The following CEP112 variants were observed in gnomAD, a reference collection of about 807,000 sequenced individuals.
The protein encoded by CEP112 is centrosomal protein of 112 kDa.
Under a neutral mutation model 153.0 loss-of-function variants are expected in CEP112, and 127 were observed. That is an observed-to-expected ratio of 0.83 (90% CI 0.72 to 0.96). The LOEUF (loss-of-function observed/expected upper bound fraction) is 0.96, where lower values mean the gene tolerates loss of function less well. Among genes scored for constraint, CEP112 ranks in the 40% least tolerant of loss-of-function variants. The probability of loss-of-function intolerance (pLI) is 0.00; values close to 1 mark genes in which losing one functional copy is unlikely to be tolerated. For synonymous variants in CEP112, 358 were observed against 374.4 expected (o/e 0.96, Z 0.51); for missense variants, 1,089 against 1,101.2 (o/e 0.99, Z 0.16).
At chr17:65,769,898 G>A (rs1903576410) in intron 21 of CEP112, among the ~76,000 whole-genome samples, 1 of 151,966 alleles carries the variant, frequency 6.6e-6, no homozygotes, top group Admixed American at 6.6e-5. Flanking sequence ...CACCTTACAT[G>A]CCAGGGCAGA....
intron 12 of CEP112, among the ~76,000 whole-genome samples, chr17:66,041,531 G>C (rs1424095043): frequency 6.6e-6 from 1 of 152,070 alleles, no homozygotes; most frequent in East Asian, 1.9e-4. Flanking sequence ...TGTATACACA[G>C]GTCAGTATTT....
chr17:66,098,039 G>A (rs936380756), intron 6 of CEP112, among the ~76,000 whole-genome samples: 2 of 152,190 alleles, frequency 1.3e-5, no homozygotes, highest in Non-Finnish European at 2.9e-5. Flanking sequence ...CTAACTGGAT[G>A]TGTAAACAGA....
intron 17 of CEP112, among the ~76,000 whole-genome samples, chr17:65,980,349 G>C (rs545436590): frequency 1.3e-5 from 2 of 152,214 alleles, no homozygotes; most frequent in East Asian, 3.9e-4. Context: ...GATTTAGGAA[G>C]GAATAAAGGA....
chr17:65,701,249 C>T (rs2048618519), intron 23 of CEP112, among the ~76,000 whole-genome samples: 1 of 152,144 alleles, frequency 6.6e-6, no homozygotes, highest in South Asian at 2.1e-4. Context: ...ACGAATGTGC[C>T]AGGTGCAAGA....
rs201577288 is a variant in CEP112, at chr17:65,902,274, C to T, written c.2041G>A (p.Ala681Thr). Residue 681 changes from alanine to threonine, a missense_variant, in exon 20 of 27, where the codon GCA (alanine) becomes ACA (threonine). Coordinates refer to ENST00000535342, the MANE Select transcript of CEP112 (RefSeq NM_001199165.4). ...EKTHLLQQHN[A>T]EKDSLVRDHE... ...TCTCGGACTAGGCTATCCTTCTCTG[C>T]GTTATGCTGCTGTAATAGGTGCGTC... 2.6e-4 allele frequency: 419 copies of T among 1,613,904 alleles called. 11 individuals carry two copies. In the South Asian group the frequency reaches 4.1e-3, roughly 16 times the overall value.
intron 21 of CEP112, among the ~76,000 whole-genome samples, chr17:65,790,964 C>T (rs1036048154): frequency 6.6e-6 from 1 of 152,040 alleles, no homozygotes; most frequent in African/African-American, 2.4e-5. Context: ...ATTTTATTTC[C>T]TTTCAGACCA....
At chr17:66,144,654 C>T (rs2070846832) in intron 4 of CEP112, among the ~76,000 whole-genome samples, 1 of 152,180 alleles carries the variant, frequency 6.6e-6, no homozygotes, top group Admixed American at 6.5e-5. Context: ...AATCGCACCA[C>T]TGCACTCCAG....
chr17:65,641,098 T>G, intron 24 of CEP112, 33 bp from the exon 25 acceptor site: 1 of 1,142,418 alleles, frequency 8.8e-7, no homozygotes. Flanking sequence ...GTTATCTTTT[T>G]ACCACATAAA....
intron 8 of CEP112, among the ~76,000 whole-genome samples, chr17:66,086,072 G>A (rs1025271635): frequency 6.6e-6 from 1 of 150,880 alleles, no homozygotes; most frequent in Non-Finnish European, 1.5e-5. Context: ...ATTTTAAAGA[G>A]AATACCCATT....
chr17:66,176,900 C>T lies in CEP112; in HGVS notation c.227G>A (p.Arg76Gln), dbSNP rs773593045. ...YAKLLLHMLK[R>Q]GALEGPFTHR... Reference sequence around the variant, plus strand: ...TGTAAAAGGGCCTTCAAGCGCACCTCGTTTAAGCATATGCAATAACAATTT... The same window carrying T: ...TGTAAAAGGGCCTTCAAGCGCACCTTGTTTAAGCATATGCAATAACAATTT... Residue 76 changes from arginine to glutamine, a missense_variant, in exon 3 of 27, where the codon CGA (arginine) becomes CAA (glutamine). Coordinates refer to ENST00000535342, the MANE Select transcript of CEP112 (RefSeq NM_001199165.4). 1.9e-6 allele frequency: 3 copies of T among 1,613,820 alleles called. No homozygotes were observed. Among genetic ancestry groups the T allele is most frequent in the Admixed American group, 1.7e-5 (1 of 59,978 alleles).
chr17:65,971,421 C>CATATAT (rs1555740293), intron 17 of CEP112, among the ~76,000 whole-genome samples: 2 of 47,262 alleles, frequency 4.2e-5, no homozygotes, highest in Admixed American at 3.8e-4. Flanking sequence ...ATGCAGCATG[C>CATATAT]TGCATGCATG....
intron 18 of CEP112, among the ~76,000 whole-genome samples, chr17:65,931,895 G>A (rs1006788337): frequency 6.6e-6 from 1 of 152,236 alleles, no homozygotes; most frequent in African/African-American, 2.4e-5. Context: ...TGTGGGCATA[G>A]CATCTAGCTT....
intron 19 of CEP112, among the ~76,000 whole-genome samples, chr17:65,916,289 G>GTGTGTGTGTGTGTATGTGTA (rs777844271): frequency 6.8e-6 from 1 of 147,248 alleles, no homozygotes; most frequent in Non-Finnish European, 1.5e-5. Flanking sequence ...GTGTGTGTGT[G>GTGTGTGTGTGTGTATGTGTA]TGTATGTGTG....
intron 17 of CEP112, among the ~76,000 whole-genome samples, chr17:65,969,394 T>C (rs915581409): frequency 1.3e-5 from 2 of 152,216 alleles, no homozygotes; most frequent in African/African-American, 4.8e-5. Flanking sequence ...GCATAATACA[T>C]ACCACATGCA....
chr17:65,817,957 C>A lies in CEP112; in HGVS notation c.2394+33847G>T, dbSNP rs995288561. On this transcript the variant is annotated intron_variant, in intron 21 of 26. Transcript: ENST00000535342. ...ATTTTATGTGAAATAAACTAATTTG[C>A]ATTTTTTTAAAAACCTGTGTTAAAA... 3.3e-5 allele frequency among the ~76,000 whole-genome samples: 5 copies of A among 151,812 alleles called. No homozygotes were observed. The East Asian group carries it at 9.6e-4, about 29-fold the overall frequency.
At chr17:65,939,851 A>C in intron 18 of CEP112, among the ~76,000 whole-genome samples, 1 of 152,268 alleles carries the variant, frequency 6.6e-6, no homozygotes, top group Middle Eastern at 3.4e-3. Context: ...GGATATGACA[A>C]TAAAAGCACA....
intron 1 of CEP112, among the ~76,000 whole-genome samples, chr17:66,185,843 T>A (rs1048893815): frequency 1.1e-4 from 16 of 152,234 alleles, no homozygotes; most frequent in Admixed American, 5.9e-4. Context: ...GCCCTCTATC[T>A]GCTAAACCAG....
intron 12 of CEP112, among the ~76,000 whole-genome samples, chr17:66,034,985 T>C: frequency 9.5e-6 from 1 of 104,966 alleles, no homozygotes; most frequent in Middle Eastern, 4.3e-3. Context: ...TGTATATATA[T>C]ATATATACAT....
At chr17:65,981,878 A>G (rs1436046506) in intron 17 of CEP112, among the ~76,000 whole-genome samples, 1 of 152,154 alleles carries the variant, frequency 6.6e-6, no homozygotes, top group Non-Finnish European at 1.5e-5. Flanking sequence ...TGTGATTGGC[A>G]CTATTTTTTG....
Sources: allele counts gnomAD v4.1 joint callset (sites outside exome capture counted in the v4.1 genomes callset), GRCh38; gene constraint gnomAD v4.1.1; transcripts MANE v1.5; gene names NCBI Gene and HGNC (gene_info 2026-07-23, HGNC 2026-07-21).